NSMCE2: variants seen among roughly 807,000 people sequenced by gnomAD.
NSMCE2 encodes E3 SUMO-protein ligase NSE2.
In NSMCE2, 24 loss-of-function variants were observed where a neutral mutation model predicts 23.8. That is an observed-to-expected ratio of 1.01 (90% CI 0.73 to 1.42). The LOEUF is 1.42. NSMCE2 is among the 40% of genes most tolerant of loss of function. The probability of loss-of-function intolerance (pLI) is 0.00; values close to 1 mark genes in which losing one functional copy is unlikely to be tolerated. For synonymous variants in NSMCE2, 92 were observed against 94.1 expected (o/e 0.98, Z 0.13); for missense variants, 284 against 296.5 (o/e 0.96, Z 0.31).
chr8:125,292,729 G>A (rs1174216410), intron 5 of NSMCE2, among the ~76,000 whole-genome samples: 2 of 152,192 alleles, frequency 1.3e-5, no homozygotes, highest in African/African-American at 4.8e-5. Context: ...GTGATTCCCT[G>A]GTTCTGTCAG....
At position 125,367,068 on chromosome 8, in the gene NSMCE2, A is replaced by G. The variant is rs1813829040; in HGVS notation, c.*183A>G. ...AGTTACACAACAGAAATGCAATCAT[A>G]TTGTTTATTTTTAAGTGTTCTATAA... is the stretch of plus-strand genomic sequence containing the variant. On this transcript the variant is annotated 3_prime_UTR_variant, in exon 8 of 8. Transcript: ENST00000287437. The G allele has an allele frequency of 3.6e-6, 2 of 550,540 alleles. No individual in the cohort carries two copies. Among genetic ancestry groups the G allele is most frequent in the Non-Finnish European group, 6.6e-6 (2 of 305,048 alleles). The allele number at this position is 550,540 out of a possible 1,614,324, so 34.1% of individuals were successfully genotyped here.
intron 5 of NSMCE2, among the ~76,000 whole-genome samples, chr8:125,295,695 G>A (rs1271227060): frequency 6.6e-6 from 1 of 152,284 alleles, no homozygotes; most frequent in Middle Eastern, 3.4e-3. Context: ...GTGTGTGATT[G>A]TGTGGCTCGG....
chr8:125,187,842 A>C (rs1586583842), intron 5 of NSMCE2, among the ~76,000 whole-genome samples: 1 of 152,222 alleles, frequency 6.6e-6, no homozygotes, highest in African/African-American at 2.4e-5. Context: ...TTTTGTTAGT[A>C]TATTTAAATG....
At chr8:125,108,908 G>C (rs1818596286) in intron 3 of NSMCE2, among the ~76,000 whole-genome samples, 1 of 152,152 alleles carries the variant, frequency 6.6e-6, no homozygotes. Context: ...GTGATGCTTT[G>C]CCAAGGAGTT....
chr8:125,296,273 G>T (rs1370714149), intron 5 of NSMCE2, among the ~76,000 whole-genome samples: 1 of 151,954 alleles, frequency 6.6e-6, no homozygotes, highest in East Asian at 1.9e-4. Flanking sequence ...ATGACATATT[G>T]AATGAATACT....
rs869197708 is a variant in NSMCE2, at chr8:125,308,316, TG to T, written c.419-48897del. ...TCCTAAGTATTTTCTCTGGATGTTTTGGGGGGAAAAAATCCTAAGTAAAACC... is the reference window on the plus strand; with the variant it reads ...TCCTAAGTATTTTCTCTGGATGTTTTGGGGGAAAAAATCCTAAGTAAAACC... On this transcript the variant is annotated intron_variant, in intron 5 of 7. Transcript: ENST00000287437. 2.7e-3 allele frequency among the ~76,000 whole-genome samples: 417 copies of T among 152,330 alleles called. 1 individual carries two copies. Among genetic ancestry groups the T allele is most frequent in the African/African-American group, 9.8e-3 (407 of 41,566 alleles).
Position 125,103,506 on chromosome 8 carries a change from T to C in NSMCE2, c.157+1019T>C, listed in dbSNP as rs531742406. Among the ~76,000 whole-genome samples the C allele has an allele frequency of 1.5e-4, 23 of 152,316 alleles. No individual in the cohort carries two copies. In the East Asian group the frequency reaches 4.3e-3, roughly 28 times the overall value. ...GTTTGAGATTTATGGATCTGTCAGC[T>C]TATAGTTTTTTGAATCAAATTTGGA... On this transcript the variant is annotated intron_variant, in intron 3 of 7. Transcript: ENST00000287437.
At chr8:125,234,608 A>T (rs1319639591) in intron 5 of NSMCE2, among the ~76,000 whole-genome samples, 1 of 152,174 alleles carries the variant, frequency 6.6e-6, no homozygotes, top group African/African-American at 2.4e-5. Flanking sequence ...TTCTATACAA[A>T]CTACCCCATG....
chr8:125,125,543 A>G (rs900500643), intron 3 of NSMCE2, among the ~76,000 whole-genome samples: 1 of 152,254 alleles, frequency 6.6e-6, no homozygotes, highest in Non-Finnish European at 1.5e-5. Flanking sequence ...TGAAGGCACC[A>G]TGGAGTTAGT....
At chr8:125,112,431 G>C (rs753926720) in intron 3 of NSMCE2, among the ~76,000 whole-genome samples, 1 of 152,152 alleles carries the variant, frequency 6.6e-6, no homozygotes, top group Non-Finnish European at 1.5e-5. Flanking sequence ...AGAGATATCT[G>C]CCTTCTCATA....
Position 125,366,865 on chromosome 8 carries a change from A to AGAC in NSMCE2, c.725_727dup (p.Arg242dup). On this transcript the variant is annotated inframe_insertion, in exon 8 of 8. Transcript: ENST00000287437. Reference sequence around the variant, plus strand: ...GGCAATTGAGAACCATAACAAGAAAAGACATCGTCATTCCGAGTAGGAAAA... The same window carrying AGAC: ...GGCAATTGAGAACCATAACAAGAAAAGACGACATCGTCATTCCGAGTAGGAAAA... 1.2e-6 allele frequency: 2 copies of AGAC among 1,607,028 alleles called. No individual in the cohort carries two copies. Among genetic ancestry groups the AGAC allele is most frequent in the Non-Finnish European group, 1.7e-6 (2 of 1,173,532 alleles).
chr8:125,157,026 G>A (rs998691361), intron 4 of NSMCE2, among the ~76,000 whole-genome samples: 1 of 152,184 alleles, frequency 6.6e-6, no homozygotes, highest in African/African-American at 2.4e-5. Flanking sequence ...CCTGAGAGCA[G>A]TTCTAGGCCA....
At chr8:125,102,957 C>A (rs1818269724) in intron 3 of NSMCE2, among the ~76,000 whole-genome samples, 1 of 152,084 alleles carries the variant, frequency 6.6e-6, no homozygotes, top group Admixed American at 6.6e-5. Flanking sequence ...TTTGTTCAAT[C>A]AAGAAGATCT....
intron 4 of NSMCE2, among the ~76,000 whole-genome samples, chr8:125,175,973 T>C (rs1822469501): frequency 1.3e-5 from 2 of 152,148 alleles, no homozygotes; most frequent in African/African-American, 4.8e-5. Context: ...ACAGAGCCAT[T>C]TGGAGCCCTA....
chr8:125,272,740 C>CAT (rs1323106303), intron 5 of NSMCE2, among the ~76,000 whole-genome samples: 4 of 130,830 alleles, frequency 3.1e-5, no homozygotes, highest in African/African-American at 5.9e-5. Flanking sequence ...CACACACACA[C>CAT]ATATATATAC....
chr8:125,290,910 A>G (rs1415374580), intron 5 of NSMCE2, among the ~76,000 whole-genome samples: 1 of 152,222 alleles, frequency 6.6e-6, no homozygotes, highest in African/African-American at 2.4e-5. Context: ...TATGTGTACC[A>G]TGAGGTCAGG....
chr8:125,151,658 T>C (rs1172345055), intron 4 of NSMCE2, among the ~76,000 whole-genome samples: 1 of 152,240 alleles, frequency 6.6e-6, no homozygotes, highest in Non-Finnish European at 1.5e-5. Context: ...CTAACTTTAA[T>C]ATGCATCTAT....
chr8:125,195,312 A>G (rs1450243777), intron 5 of NSMCE2, among the ~76,000 whole-genome samples: 2 of 152,100 alleles, frequency 1.3e-5, no homozygotes, highest in Non-Finnish European at 2.9e-5. Flanking sequence ...TCTCCTGGCA[A>G]TGCTAATGTA....
intron 5 of NSMCE2, among the ~76,000 whole-genome samples, chr8:125,314,933 AT>A (rs902506649): frequency 6.6e-6 from 1 of 152,194 alleles, no homozygotes; most frequent in African/African-American, 2.4e-5. Context: ...GGAGCAACTA[AT>A]TCCAGCAAGG....
Sources: allele counts gnomAD v4.1 joint callset (sites outside exome capture counted in the v4.1 genomes callset), GRCh38; gene constraint gnomAD v4.1.1; transcripts MANE v1.5; gene names NCBI Gene and HGNC (gene_info 2026-07-23, HGNC 2026-07-21).